Variants in GNAI2 observed in about 807,000 individuals in gnomAD.
GNAI2 encodes the protein guanine nucleotide-binding protein G(i) subunit alpha-2.
In GNAI2, 4 loss-of-function variants were observed where a neutral mutation model predicts 36.8. The observed-to-expected ratio is 0.11, with a 90% CI of 0.05 to 0.25. GNAI2 has a LOEUF of 0.25. GNAI2 is among the 10% of genes least tolerant of loss of function. The pLI is 1.00. For synonymous variants in GNAI2, 194 were observed against 194.1 expected (o/e 1.00, Z 0.01); for missense variants, 230 against 481.3 (o/e 0.48, Z 4.89).
At chr3:50,256,679 C>G (rs1700711036) in intron 5 of GNAI2, 44 bp from the exon 6 acceptor site, 3 of 1,602,006 alleles carry the variant, frequency 1.9e-6, no homozygotes, top group Non-Finnish European at 2.6e-6. Flanking sequence ...TAGAAAGCCT[C>G]CCCCAGGCTC....
chr3:50,233,198 A>C (rs1462436897), upstream of GNAI2, among the ~76,000 whole-genome samples: 1 of 152,072 alleles, frequency 6.6e-6, no homozygotes, highest in African/African-American at 2.4e-5. Context: ...TGGGAAGAGC[A>C]TAGGACTGGA....
chr3:50,251,885 GGGCACA>G, intron 1 of GNAI2: 1 of 1,030,644 alleles, frequency 9.7e-7, no homozygotes, highest in Non-Finnish European at 1.3e-6. Context: ...GTCTGCCATG[GGGCACA>G]GGTGCTCTAG....
Position 50,242,099 on chromosome 3 carries a change from TCA to T in GNAI2, c.118+5647_118+5648del, listed in dbSNP as rs1279721973. Reference sequence around the variant, plus strand: ...TTCTTGGTCCCTGGCTGTGACTCTCTCAGTCTGTCTCTAAAAGCCACCCATTC... The same window carrying T: ...TTCTTGGTCCCTGGCTGTGACTCTCTGTCTGTCTCTAAAAGCCACCCATTC... On this transcript the variant is annotated intron_variant, in intron 1 of 8. Transcript: ENST00000313601. The surrounding 1 kb of genome is among the most constrained non-coding windows in gnomAD (Gnocchi z 4.8). Among the ~76,000 whole-genome samples the T allele has an allele frequency of 6.6e-6, 1 of 152,094 alleles. No homozygotes were observed. The highest frequency in any genetic ancestry group is 1.5e-5 in the Non-Finnish European group (1 of 68,006).
chr3:50,259,359 A>G lies in GNAI2; in HGVS notation c.*1016A>G, dbSNP rs1180403460. ...AAATGTAGAAAGAAAAAAAATACCG[A>G]GAACTGATGGGTATTCTCTCCCAGG... On this transcript the variant is annotated 3_prime_UTR_variant, in exon 9 of 9. Transcript: ENST00000313601. The G allele has an allele frequency of 3.1e-5, 5 of 160,770 alleles. No homozygotes were observed. Among genetic ancestry groups the G allele is most frequent in the African/African-American group, 1.2e-4 (5 of 41,478 alleles). 10.0% of individuals were successfully genotyped at this position (160,770 alleles called of 1,614,324 possible). A position where few individuals can be genotyped will look rare whatever the true frequency, so the allele number is the denominator to read the frequency against.
chr3:50,253,283 TC>T lies in GNAI2; in HGVS notation c.464+100del. ...AGAACCCCCAGAAGGACACTGCTGG[TC>T]TTTGCTTATGAAACCGATGACTGTT... On this transcript the variant is annotated intron_variant, in intron 4 of 8. Coordinates refer to ENST00000313601, the MANE Select transcript of GNAI2 (RefSeq NM_002070.4). The surrounding 1 kb of genome is among the most constrained non-coding windows in gnomAD (Gnocchi z 4.2). 1.0e-6 allele frequency: 1 copy of T among 978,252 alleles called. No individual in the cohort carries two copies. Among genetic ancestry groups the T allele is most frequent in the Non-Finnish European group, 1.5e-6 (1 of 662,104 alleles). 60.6% of individuals were successfully genotyped at this position (978,252 alleles called of 1,614,324 possible).
Position 50,238,719 on chromosome 3 carries a change from T to C in GNAI2, c.118+2266T>C, listed in dbSNP as rs1700239207. 1.3e-5 allele frequency among the ~76,000 whole-genome samples: 2 copies of C among 152,132 alleles called. No individual in the cohort carries two copies. Among genetic ancestry groups the C allele is most frequent in the Admixed American group, 1.3e-4 (2 of 15,284 alleles). ...TTGATATTGATGACCCAGTCTGCCATGGCTGCCTGGGGAGGGATCCTGGCT... is the reference window on the plus strand; with the variant it reads ...TTGATATTGATGACCCAGTCTGCCACGGCTGCCTGGGGAGGGATCCTGGCT... On this transcript the variant is annotated intron_variant, in intron 1 of 8. Transcript: ENST00000313601. The surrounding 1 kb of genome is among the most constrained non-coding windows in gnomAD (Gnocchi z 5.0).
chr3:50,256,164 C>T, intron 4 of GNAI2, 28 bp from the exon 5 acceptor site: 1 of 1,359,734 alleles, frequency 7.4e-7, no homozygotes, highest in Non-Finnish European at 1.0e-6. Context: ...TGCTGGCCCC[C>T]ACTGACCCTC....
chr3:50,236,404 G>A lies in GNAI2; in HGVS notation c.69G>A (p.Leu23=). 6.3e-7 allele frequency: 1 copy of A among 1,579,096 alleles called. No homozygotes were observed. The highest frequency in any genetic ancestry group is 8.6e-7 in the Non-Finnish European group (1 of 1,165,716). ...AERSKMIDKN[L]REDGEKAARE... ...GCTCTAAGATGATCGACAAGAACCT[G>A]CGGGAGGACGGAGAGAAGGCGGCGC... Residue 23 remains leucine, a synonymous_variant, in exon 1 of 9, where the codon CTG becomes CTA. Coordinates refer to ENST00000313601, the MANE Select transcript of GNAI2 (RefSeq NM_002070.4). This position sits in a 1 kb window ranked among gnomAD's most constrained non-coding sequence, Gnocchi z 4.0.
At chr3:50,231,383 A>G (rs1447791708), upstream of GNAI2, among the ~76,000 whole-genome samples, 3 of 152,188 alleles carry the variant, frequency 2.0e-5, no homozygotes, top group African/African-American at 7.2e-5. Flanking sequence ...GGTTCAAGCG[A>G]TTGTCCTGCC....
At chr3:50,257,859 A>G in intron 8 of GNAI2, 145 bp downstream of exon 8, 1 of 562,670 alleles carries the variant, frequency 1.8e-6, no homozygotes, top group Admixed American at 3.4e-5. Context: ...GAGAAGGCCC[A>G]GGGTGTGAAT....
chr3:50,236,046 T>A, upstream of GNAI2: 1 of 333,418 alleles, frequency 3.0e-6, no homozygotes, highest in Non-Finnish European at 4.4e-6. The surrounding 1 kb of genome is among the most constrained non-coding windows in gnomAD (Gnocchi z 4.0). Context: ...GCGCCTAACT[T>A]CCCCCTTCGC....
At chr3:50,250,426 CACAGTGATCAGAATTGGG>C (rs1354968465) in intron 1 of GNAI2, among the ~76,000 whole-genome samples, 5 of 152,138 alleles carry the variant, frequency 3.3e-5, no homozygotes, top group African/African-American at 9.7e-5. Flanking sequence ...ACAAACGTGC[CACAGTGATCAGAATTGGG>C]ACACTGTGAA....
Position 50,255,757 on chromosome 3 carries a change from G to A in GNAI2, c.465-435G>A, listed in dbSNP as rs587690829. Among the ~76,000 whole-genome samples, 2 of 152,182 alleles carry A rather than the reference G, an allele frequency of 1.3e-5. No individual in the cohort carries two copies. The highest frequency in any genetic ancestry group is 4.8e-5 in the African/African-American group (2 of 41,522). ...ATGCAGGCAGGGGTTAAAGAAACAAGGGCTGTGCCTAGGCCAGGCGCAGTG... is the reference window on the plus strand; with the variant it reads ...ATGCAGGCAGGGGTTAAAGAAACAAAGGCTGTGCCTAGGCCAGGCGCAGTG... On this transcript the variant is annotated intron_variant, in intron 4 of 8. Transcript: ENST00000313601. The surrounding 1 kb of genome is among the most constrained non-coding windows in gnomAD (Gnocchi z 4.0).
chr3:50,257,574 A>G lies in GNAI2; in HGVS notation c.952A>G (p.Lys318Glu), dbSNP rs2109221883. The change falls in exon 8 of 9, where the codon AAG becomes GAG. Residue 318 changes from lysine (K) to glutamate (E), a missense_variant. Transcript: ENST00000313601. Reference protein sequence around the residue: ...FEDLNKRKDTKEIYTHFTCAT... With the variant: ...FEDLNKRKDTEEIYTHFTCAT... ...GGACCTGAATAAGCGCAAAGACACCAAGGAGATCTACACGCACTTCACGTG... is the reference window on the plus strand; with the variant it reads ...GGACCTGAATAAGCGCAAAGACACCGAGGAGATCTACACGCACTTCACGTG... 6.4e-7 allele frequency: 1 copy of G among 1,565,700 alleles called. No homozygotes were observed. The highest frequency in any genetic ancestry group is 8.7e-7 in the Non-Finnish European group (1 of 1,153,652).
Position 50,236,589 on chromosome 3 carries a change from T to G in GNAI2, c.118+136T>G. On this transcript the variant is annotated intron_variant, in intron 1 of 8. Transcript: ENST00000313601. This position sits in a 1 kb window ranked among gnomAD's most constrained non-coding sequence, Gnocchi z 4.0. ...CCCCACACCTGGGCCAGGACCAGGGTTGAAAACTCTAGATTGGACTAGACC... is the reference window on the plus strand; with the variant it reads ...CCCCACACCTGGGCCAGGACCAGGGGTGAAAACTCTAGATTGGACTAGACC... 1 of 1,235,764 alleles carries G rather than the reference T, an allele frequency of 8.1e-7. No individual in the cohort carries two copies. The highest frequency in any genetic ancestry group is 1.1e-6 in the Non-Finnish European group (1 of 927,322). 76.5% of individuals were successfully genotyped at this position (1,235,764 alleles called of 1,614,324 possible). A position where few individuals can be genotyped will look rare whatever the true frequency, so the allele number is the denominator to read the frequency against.
upstream of GNAI2, among the ~76,000 whole-genome samples, chr3:50,234,881 G>C (rs1386692560): frequency 6.6e-6 from 1 of 152,196 alleles, no homozygotes; most frequent in Non-Finnish European, 1.5e-5. Flanking sequence ...AGAAAGACTT[G>C]AAATGTTCAG....
chr3:50,227,520 G>T, upstream of GNAI2: 1 of 212,128 alleles, frequency 4.7e-6, no homozygotes, highest in Non-Finnish European at 9.4e-6. This position sits in a 1 kb window ranked among gnomAD's most constrained non-coding sequence, Gnocchi z 5.9. Flanking sequence ...GCTGCCCCGC[G>T]AAGCCGTTCC....
At position 50,236,284 on chromosome 3, in the gene GNAI2, G is replaced by A; in HGVS notation, c.-52G>A. 1 of 1,251,788 alleles carries A rather than the reference G, an allele frequency of 8.0e-7. No individual in the cohort carries two copies. The highest frequency in any genetic ancestry group is 1.0e-6 in the Non-Finnish European group (1 of 997,734). 77.5% of individuals were successfully genotyped at this position (1,251,788 alleles called of 1,614,324 possible). A position where few individuals can be genotyped will look rare whatever the true frequency, so the allele number is the denominator to read the frequency against. The stretch of plus-strand genomic sequence containing the variant: ...GGAGTGGGTCGGGCGGGGCCGAGCC[G>A]GGCCGTGGGCCGTGTGGGGGCCGGG... On this transcript the variant is annotated 5_prime_UTR_variant, in exon 1 of 9. Transcript: ENST00000313601. The surrounding 1 kb of genome is among the most constrained non-coding windows in gnomAD (Gnocchi z 4.0).
At chr3:50,257,791 TGGG>T in intron 8 of GNAI2, 77 bp downstream of exon 8, 1 of 99,322 alleles carries the variant, frequency 1.0e-5, no homozygotes, top group African/African-American at 1.4e-4. Flanking sequence ...GTTCTGGGGG[TGGG>T]TAGGGGGGTG....
Sources: allele counts gnomAD v4.1 joint callset (sites outside exome capture counted in the v4.1 genomes callset), GRCh38; gene constraint gnomAD v4.1.1; non-coding constraint Gnocchi (gnomAD v3.1); transcripts MANE v1.5; gene names NCBI Gene and HGNC (gene_info 2026-07-23, HGNC 2026-07-21).